Variants in CRPPA observed in about 807,000 individuals in gnomAD.
CRPPA encodes the protein CDP-L-ribitol pyrophosphorylase A, also known as D-ribitol-5-phosphate cytidylyltransferase.
Under a neutral mutation model 52.0 loss-of-function variants are expected in CRPPA, and 43 were observed. The observed-to-expected ratio is 0.83, with a 90% CI of 0.65 to 1.07. The LOEUF is 1.07. CRPPA is among the 50% of genes least tolerant of loss of function. The pLI, the probability that CRPPA is intolerant of heterozygous loss-of-function variation, is 0.00. For missense variants in CRPPA, 629 were observed against 551.7 expected (o/e 1.14, Z -1.40); for synonymous variants, 250 against 203.5 (o/e 1.23, Z -1.94).
At chr7:16,419,157 G>C (rs1261907292) in intron 1 of CRPPA, among the ~76,000 whole-genome samples, 3 of 152,184 alleles carry the variant, frequency 2.0e-5, no homozygotes, top group African/African-American at 7.2e-5. Flanking sequence ...CAAATTTTGA[G>C]TTTCAGATGT....
At chr7:16,280,966 G>A (rs1784309928) in intron 5 of CRPPA, among the ~76,000 whole-genome samples, 1 of 152,122 alleles carries the variant, frequency 6.6e-6, no homozygotes, top group Admixed American at 6.6e-5. Flanking sequence ...GTTGCACTGA[G>A]CCAAGATCAC....
chr7:16,327,599 C>CAAAA (rs71007762), intron 3 of CRPPA, among the ~76,000 whole-genome samples: 2 of 70,086 alleles, frequency 2.9e-5, no homozygotes, highest in Non-Finnish European at 4.9e-5. Flanking sequence ...GACTCCGTCT[C>CAAAA]AAAAAAAAAA....
At chr7:16,242,665 T>A (rs1042797646) in intron 8 of CRPPA, among the ~76,000 whole-genome samples, 9 of 152,174 alleles carry the variant, frequency 5.9e-5, no homozygotes, top group Non-Finnish European at 1.2e-4. Context: ...TGATAGAATT[T>A]TATTTTTACA....
chr7:16,177,194 G>T (rs545123029), intron 9 of CRPPA, among the ~76,000 whole-genome samples: 2 of 152,060 alleles, frequency 1.3e-5, no homozygotes, highest in Non-Finnish European at 2.9e-5. Context: ...CAGAATTTTT[G>T]TAGTGGAGGA....
intron 9 of CRPPA, among the ~76,000 whole-genome samples, chr7:16,176,057 C>T (rs1371899940): frequency 6.6e-6 from 1 of 152,074 alleles, no homozygotes; most frequent in African/African-American, 2.4e-5. Context: ...TTATGAAGAA[C>T]TGTGGTTAGA....
In CRPPA at chr7:16,228,170, T is replaced by C. The variant is rs534385641; in HGVS notation, c.1120-11973A>G. ...TATATTTTGAAGTCAGGTAATGTGA[T>C]TCCCTCCAGCTTTGTTCTTTTTCCT... On this transcript the variant is annotated intron_variant, in intron 8 of 9. Coordinates refer to ENST00000407010, the MANE Select transcript of CRPPA (RefSeq NM_001101426.4). 2.3e-4 allele frequency among the ~76,000 whole-genome samples: 35 copies of C among 151,968 alleles called. No homozygotes were observed. In the South Asian group the frequency reaches 7.3e-3, roughly 32 times the overall value.
intron 5 of CRPPA, among the ~76,000 whole-genome samples, chr7:16,288,011 C>T (rs1220082948): frequency 6.6e-6 from 1 of 151,942 alleles, no homozygotes; most frequent in Non-Finnish European, 1.5e-5. Flanking sequence ...TATGTATAGA[C>T]AAAGGATGAA....
chr7:16,195,962 T>A (rs1781723254), intron 9 of CRPPA, among the ~76,000 whole-genome samples: 1 of 152,114 alleles, frequency 6.6e-6, no homozygotes. Context: ...AGAGAGAAGA[T>A]GGGACCATAA....
At chr7:16,219,244 T>C (rs1343328090) in intron 8 of CRPPA, among the ~76,000 whole-genome samples, 4 of 150,722 alleles carry the variant, frequency 2.7e-5, no homozygotes, top group East Asian at 2.0e-4. Flanking sequence ...TTGAAATCAA[T>C]GAGAACAAAG....
chr7:16,222,871 T>C (rs1356975598), intron 8 of CRPPA, among the ~76,000 whole-genome samples: 1 of 152,210 alleles, frequency 6.6e-6, no homozygotes, highest in Non-Finnish European at 1.5e-5. Context: ...GTTACATGCA[T>C]AGAATGTGTA....
intron 9 of CRPPA, among the ~76,000 whole-genome samples, chr7:16,173,447 C>T (rs1405700721): frequency 1.3e-5 from 2 of 152,018 alleles, no homozygotes; most frequent in Non-Finnish European, 2.9e-5. Context: ...CTAGTCAATG[C>T]TATAAGAAAG....
intron 1 of CRPPA, among the ~76,000 whole-genome samples, chr7:16,418,796 A>T (rs1788255246): frequency 6.6e-6 from 1 of 152,160 alleles, no homozygotes; most frequent in African/African-American, 2.4e-5. Flanking sequence ...ATTCAAGATG[A>T]GATTTTTGGG....
At chr7:16,248,914 C>T (rs1416009960) in intron 8 of CRPPA, among the ~76,000 whole-genome samples, 1 of 152,104 alleles carries the variant, frequency 6.6e-6, no homozygotes, top group African/African-American at 2.4e-5. Flanking sequence ...AGATTCCCTC[C>T]AATGTTTGGC....
At chr7:16,286,060 T>TTTAAAAAAAAA (rs1784431962) in intron 5 of CRPPA, among the ~76,000 whole-genome samples, 1 of 34,688 alleles carries the variant, frequency 2.9e-5, no homozygotes, top group African/African-American at 1.9e-4. Flanking sequence ...TATATATATA[T>TTTAAAAAAAAA]ATATATATAT....
rs550394381 is a variant in CRPPA, at chr7:16,375,360, A to G, written c.684+732T>C. On this transcript the variant is annotated intron_variant, in intron 3 of 9. Coordinates refer to ENST00000407010, the MANE Select transcript of CRPPA (RefSeq NM_001101426.4). ...CTGACAAGCTCAATATCTGATATTC[A>G]ATAACTATTTACTCAATGTGCAAAC... Among the ~76,000 whole-genome samples the G allele has an allele frequency of 1.5e-3, 234 of 152,342 alleles. 2 individuals carry two copies. The highest frequency in any genetic ancestry group is 5.5e-3 in the African/African-American group (228 of 41,576).
At chr7:16,222,294 TGCGGTGG>T in intron 8 of CRPPA, among the ~76,000 whole-genome samples, 1 of 87,626 alleles carries the variant, frequency 1.1e-5, no homozygotes, top group Non-Finnish European at 2.1e-5. Flanking sequence ...GGGACTGTGT[TGCGGTGG>T]GGGGAGGGGG....
intron 2 of CRPPA, among the ~76,000 whole-genome samples, chr7:16,402,192 G>A (rs1787834464): frequency 1.3e-5 from 2 of 152,164 alleles, no homozygotes; most frequent in Admixed American, 6.5e-5. Context: ...TCTTGGCTTG[G>A]GATCTTGAAG....
intron 5 of CRPPA, among the ~76,000 whole-genome samples, chr7:16,286,058 T>TAGAATATTTAAAAAAAA (rs1562608478): frequency 1.9e-4 from 6 of 31,014 alleles, no homozygotes; most frequent in Admixed American, 4.6e-4. Flanking sequence ...TATATATATA[T>TAGAATATTTAAAAAAAA]ATATATATAT....
At chr7:16,241,307 A>G (rs918701454) in intron 8 of CRPPA, among the ~76,000 whole-genome samples, 12 of 152,180 alleles carry the variant, frequency 7.9e-5, no homozygotes, top group South Asian at 2.1e-4. Flanking sequence ...ACTCAATTCA[A>G]TACTTTTGAA....
Sources: allele counts gnomAD v4.1 joint callset (sites outside exome capture counted in the v4.1 genomes callset), GRCh38; gene constraint gnomAD v4.1.1; transcripts MANE v1.5; gene names NCBI Gene and HGNC (gene_info 2026-07-23, HGNC 2026-07-21).